The following KLHL35 variants were observed in gnomAD, a reference collection of about 807,000 sequenced individuals.
KLHL35 encodes the protein kelch like family member 35, also known as kelch-like protein 35.
KLHL35 carries 50 observed loss-of-function variants against 44.0 expected under a neutral mutation model. That is an observed-to-expected ratio of 1.14 (90% confidence interval 0.91 to 1.44). KLHL35 has a LOEUF of 1.44. Ranked by LOEUF, KLHL35 falls within the 40% of genes most tolerant of loss-of-function variation. The pLI is 0.00. For synonymous variants in KLHL35, 470 were observed against 410.4 expected (o/e 1.15, Z -1.76); for missense variants, 1,049 against 887.8 (o/e 1.18, Z -2.31).
At chr11:75,432,392 C>T (rs1226761440) in intron 1 of KLHL35, among the ~76,000 whole-genome samples, 2 of 152,196 alleles carry the variant, frequency 1.3e-5, no homozygotes, top group East Asian at 1.9e-4. Flanking sequence ...ATCCACCTGG[C>T]TCCAGGGTTT....
chr11:75,426,890 C>G (rs906873258), intron 3 of KLHL35: 1 of 366,438 alleles, frequency 2.7e-6, no homozygotes, highest in African/African-American at 2.0e-5. Flanking sequence ...TTTCGCCGGG[C>G]ACCTTGTGGT....
chr11:75,429,647 A>T, intron 2 of KLHL35, 102 bp downstream of exon 2: 1 of 1,300,960 alleles, frequency 7.7e-7, no homozygotes, highest in Non-Finnish European at 9.9e-7. Context: ...GAATGACTGA[A>T]TATCATCAAG....
In KLHL35 at chr11:75,430,438, GGCGCTGCCC is replaced by G. The variant is rs1220548496; in HGVS notation, c.183_191del (p.Gly62_Ala64del). The G allele has an allele frequency of 6.5e-6, 9 of 1,391,558 alleles. No homozygotes were observed. The highest frequency in any genetic ancestry group is 6.4e-5 in the East Asian group (2 of 31,300). The allele number at this position is 1,391,558 out of a possible 1,614,324, so 86.2% of individuals were successfully genotyped here. ...CGGCCGCGAACAAGCTGCGGAAGTA[GGCGCTGCCC>G]GCGCTGAGCGCCGCGCGGTGGCACG... On this transcript the variant is annotated inframe_deletion, in exon 2 of 7. Transcript: ENST00000539798.
chr11:75,426,842 G>A (rs756010471), intron 3 of KLHL35: 1 of 466,440 alleles, frequency 2.1e-6, no homozygotes. Context: ...CGACCCTCGA[G>A]GGGAGAAGCC....
In KLHL35 at chr11:75,431,201, C is replaced by T. The variant is rs184409871; in HGVS notation, c.-1-571G>A. 2.3e-3 allele frequency among the ~76,000 whole-genome samples: 347 copies of T among 152,294 alleles called. 2 individuals carry two copies. Among genetic ancestry groups the T allele is most frequent in the African/African-American group, 8.1e-3 (336 of 41,568 alleles). ...AGAGAGGGTACAATAACTCCACCGC[C>T]CTCTGCTCAATCCAGCCTGTCTCCT... On this transcript the variant is annotated intron_variant, in intron 1 of 6. Transcript: ENST00000539798.
At chr11:75,425,777 G>A (rs1948486604) in intron 4 of KLHL35, 196 bp from the exon 5 acceptor site, 1 of 450,684 alleles carries the variant, frequency 2.2e-6, no homozygotes, top group Non-Finnish European at 3.9e-6. Context: ...TCCCTGAGCC[G>A]GTTTCCTCTC....
intron 5 of KLHL35, chr11:75,425,041 GTT>G (rs56369585): frequency 0.62 from 126,376 of 205,062 alleles, 39,615 homozygotes; most frequent in African/African-American, 0.78. Flanking sequence ...GGGATTATGG[GTT>G]TTTTTTTTTT....
chr11:75,430,771 G>T (rs1379163833), intron 1 of KLHL35, 141 bp from the exon 2 acceptor site: 5 of 712,744 alleles, frequency 7.0e-6, no homozygotes, highest in Non-Finnish European at 9.8e-6. Flanking sequence ...GGTTCCTTAC[G>T]GCTACAGTGC....
chr11:75,427,877 A>G (rs1044718895), intron 3 of KLHL35, among the ~76,000 whole-genome samples: 1 of 151,478 alleles, frequency 6.6e-6, no homozygotes, highest in Non-Finnish European at 1.5e-5. Flanking sequence ...GGGGACTCTG[A>G]GAATTCTGAT....
rs557332749 is a variant in KLHL35 at position 75,422,616 on chromosome 11, G to A, written c.1716C>T (p.His572=). ...QPSLQRCTSS[H]GCVTIIQSLG... is the part of the protein sequence containing the mutation. Reference sequence around the variant, plus strand: ...AGCTCTGGATGATGGTGACACAGCCGTGGGAGCTGGTGCAGCGCTGCAGGG... The same window carrying A: ...AGCTCTGGATGATGGTGACACAGCCATGGGAGCTGGTGCAGCGCTGCAGGG... Residue 572 remains histidine, a synonymous_variant, in exon 7 of 7, where the codon CAC becomes CAT. Coordinates refer to ENST00000539798, the MANE Select transcript of KLHL35 (RefSeq NM_001039548.3). 9.3e-5 allele frequency: 150 copies of A among 1,613,802 alleles called. 4 individuals carry two copies. The South Asian group carries it at 1.1e-3, about 11-fold the overall frequency.
rs79579061 is a variant in KLHL35 at position 75,429,742 on chromosome 11, G to A, written c.881+7C>T. 6,449 of 1,451,396 alleles carry A rather than the reference G, an allele frequency of 4.4e-3. 14 individuals are homozygous for A. Among genetic ancestry groups the A allele is most frequent in the Non-Finnish European group, 5.4e-3 (5,975 of 1,109,330 alleles). 89.9% of individuals were successfully genotyped at this position (1,451,396 alleles called of 1,614,324 possible). A position where few individuals can be genotyped will look rare whatever the true frequency, so the allele number is the denominator to read the frequency against. On this transcript the variant is annotated splice_region_variant and intron_variant, in intron 2 of 6. Transcript: ENST00000539798. ...GAGGGCGGGAAGCTAGGGGATGGCG[G>A]CCCTACCTCCGCGGCCGGGTCCGCA...
rs759212743 is a variant in KLHL35, at chr11:75,423,816, C to A, written c.1439G>T (p.Arg480Leu). The A allele has an allele frequency of 1.8e-4, 286 of 1,613,706 alleles. No homozygotes were observed. Among genetic ancestry groups the A allele is most frequent in the Non-Finnish European group, 2.3e-4 (273 of 1,179,838 alleles). The change falls in exon 6 of 7, where the codon CGG becomes CTG. Residue 480 changes from arginine to leucine, a missense_variant. Arg to Leu is a moderately radical substitution (Grantham distance 102). Transcript: ENST00000539798. Reference sequence around the variant, plus strand: ...CTCAAGGGAGACAGCCTCGAGACACCGCTGTGAGAAGGGTGCTGGTGACCG... The same window carrying A: ...CTCAAGGGAGACAGCCTCGAGACACAGCTGTGAGAAGGGTGCTGGTGACCG... ...SLRSPAPFSQ[R>L]CLEAVSLEDT...
At chr11:75,430,678 G>T in intron 1 of KLHL35, 48 bp from the exon 2 acceptor site, 1 of 1,298,042 alleles carries the variant, frequency 7.7e-7, no homozygotes, top group South Asian at 2.1e-5. Flanking sequence ...ACCTGGCTGC[G>T]CCCGGGAGAG....
intron 1 of KLHL35, 83 bp from the exon 2 acceptor site, chr11:75,430,713 C>G: frequency 8.5e-7 from 1 of 1,171,824 alleles, no homozygotes; most frequent in Non-Finnish European, 1.1e-6. Context: ...CCGTTTATTT[C>G]CTCTCTTGAC....
chr11:75,422,708 G>T lies in KLHL35; in HGVS notation c.1624C>A (p.Arg542Ser). ...KVHILGGRDD[R>S]GESTDKVFTF... ...AAGACCTTATCGGTGCTTTCTCCGC[G>T]ATCATCCCGCCCGCCAAGGATGTGG... Residue 542 changes from arginine to serine, a missense_variant, in exon 7 of 7, where the codon CGC becomes AGC. By Grantham distance (110) the Arg-to-Ser change is moderately radical. Coordinates refer to ENST00000539798, the MANE Select transcript of KLHL35 (RefSeq NM_001039548.3). 6.2e-7 allele frequency: 1 copy of T among 1,613,992 alleles called. No homozygotes were observed. Among genetic ancestry groups the T allele is most frequent in the Non-Finnish European group, 8.5e-7 (1 of 1,179,888 alleles).
At position 75,430,216 on chromosome 11, in the gene KLHL35, C is replaced by A. The variant is rs1371316504; in HGVS notation, c.414G>T (p.Leu138=). 8.2e-7 allele frequency: 1 copy of A among 1,226,158 alleles called. No homozygotes were observed. The highest frequency in any genetic ancestry group is 1.0e-6 in the Non-Finnish European group (1 of 980,254). 76.0% of individuals were successfully genotyped at this position (1,226,158 alleles called of 1,614,324 possible). The change falls in exon 2 of 7, where the codon CTG becomes CTT. Residue 138 remains leucine (L), a synonymous_variant. Transcript: ENST00000539798. ...ALAERLGVAG[L]REACVRFLEG... ...CGAGAAAGCGCACGCAGGCCTCGCGCAGGCCCGCCACGCCCAGCCGCTCCG... is the reference window on the plus strand; with the variant it reads ...CGAGAAAGCGCACGCAGGCCTCGCGAAGGCCCGCCACGCCCAGCCGCTCCG...
chr11:75,425,469 G>A lies in KLHL35; in HGVS notation c.1298C>T (p.Ser433Leu), dbSNP rs375776972. 3.0e-5 allele frequency: 48 copies of A among 1,573,842 alleles called. No homozygotes were observed. The Admixed American group carries it at 6.5e-4, about 21-fold the overall frequency. ...GCCCGCGCAGGACGCCACCGCCGCCGAGCTCACGGCCTCCGGGAGGGGCGC... is the reference window on the plus strand; with the variant it reads ...GCCCGCGCAGGACGCCACCGCCGCCAAGCTCACGGCCTCCGGGAGGGGCGC... ...AAAPLPEAVS[S>L]AAVASCAGKL... Residue 433 changes from serine (S) to leucine (L), a missense_variant, in exon 5 of 7, where the codon TCG becomes TTG. Coordinates refer to ENST00000539798, the MANE Select transcript of KLHL35 (RefSeq NM_001039548.3).
Position 75,430,616 on chromosome 11 carries a change from T to C in KLHL35, c.14A>G (p.His5Arg), listed in dbSNP as rs1210589605. The C allele has an allele frequency of 1.4e-6, 2 of 1,397,300 alleles. No homozygotes were observed. Among genetic ancestry groups the C allele is most frequent in the Non-Finnish European group, 1.9e-6 (2 of 1,080,036 alleles). 86.6% of individuals were successfully genotyped at this position (1,397,300 alleles called of 1,614,324 possible). A position where few individuals can be genotyped will look rare whatever the true frequency, so the allele number is the denominator to read the frequency against. Residue 5 changes from histidine to arginine, a missense_variant, in exon 2 of 7, where the codon CAT (histidine) becomes CGT (arginine). Coordinates refer to ENST00000539798, the MANE Select transcript of KLHL35 (RefSeq NM_001039548.3). ...GCCCGGCTCCGACTCCTCCGGCGCA[T>C]GGCCTTGCCGCATCCTGCCGGGGAG... MRQG[H>R]APEESEPGCE...
chr11:75,430,570 A>G lies in KLHL35; in HGVS notation c.60T>C (p.Gly20=), dbSNP rs1217130026. ...SEPGCEAPCA[G]PCHAQRVLQA... ...GCAGCACGCGCTGCGCGTGGCACGGACCCGCGCACGGCGCTTCGCAGCCCG... is the reference window on the plus strand; with the variant it reads ...GCAGCACGCGCTGCGCGTGGCACGGGCCCGCGCACGGCGCTTCGCAGCCCG... Residue 20 remains glycine (G), a synonymous_variant, in exon 2 of 7, where the codon GGT becomes GGC. Transcript: ENST00000539798. The G allele has an allele frequency of 2.8e-6, 4 of 1,451,058 alleles. No individual in the cohort carries two copies. The highest frequency in any genetic ancestry group is 3.6e-6 in the Non-Finnish European group (4 of 1,107,140). 89.9% of individuals were successfully genotyped at this position (1,451,058 alleles called of 1,614,324 possible).
Sources: gnomAD v4.1 joint callset for allele counts (sites outside exome capture counted in the v4.1 genomes callset) on GRCh38, gnomAD v4.1.1 for gene constraint, MANE v1.5 for transcripts, NCBI Gene and HGNC (gene_info 2026-07-23, HGNC 2026-07-21) for gene names.